The following GULP1 variants were observed in gnomAD, a reference collection of about 807,000 sequenced individuals.
The protein encoded by GULP1 is GULP PTB domain containing engulfment adaptor 1.
GULP1 carries 19 observed loss-of-function variants against 40.9 expected under a neutral mutation model. The ratio of observed to expected loss-of-function variants is 0.46; its 90% confidence interval spans 0.32 to 0.68. GULP1 has a LOEUF of 0.68. GULP1 is among the 30% of genes least tolerant of loss of function. The probability of loss-of-function intolerance (pLI) is 0.03; values close to 1 mark genes in which losing one functional copy is unlikely to be tolerated. For missense variants in GULP1, 312 were observed against 362.2 expected (o/e 0.86, Z 1.12); for synonymous variants, 119 against 117.6 (o/e 1.01, Z -0.08).
intron 1 of GULP1, among the ~76,000 whole-genome samples, chr2:188,296,690 AT>A (rs2035025058): frequency 6.6e-6 from 1 of 152,094 alleles, no homozygotes; most frequent in Non-Finnish European, 1.5e-5. Context: ...AAAGATTAAT[AT>A]GGCTTTTTAA....
At chr2:188,540,399 G>A (rs1690149778) in intron 6 of GULP1, among the ~76,000 whole-genome samples, 1 of 149,522 alleles carries the variant, frequency 6.7e-6, no homozygotes, top group African/African-American at 2.4e-5. Context: ...TTTTAATGAT[G>A]TATATACCTT....
chr2:188,413,428 C>T (rs1176186410), intron 2 of GULP1, among the ~76,000 whole-genome samples: 1 of 152,200 alleles, frequency 6.6e-6, no homozygotes, highest in African/African-American at 2.4e-5. Context: ...TTGCATTTCT[C>T]TGCTGACCAG....
intron 1 of GULP1, among the ~76,000 whole-genome samples, chr2:188,352,097 C>T (rs1011169401): frequency 6.6e-6 from 1 of 152,072 alleles, no homozygotes; most frequent in African/African-American, 2.4e-5. Context: ...TAAATTGCAT[C>T]GTCACCTGTA....
At chr2:188,502,090 T>C (rs2063487020) in intron 4 of GULP1, among the ~76,000 whole-genome samples, 1 of 151,950 alleles carries the variant, frequency 6.6e-6, no homozygotes, top group Admixed American at 6.6e-5. Context: ...ATAGTCATGC[T>C]TTATTAGAAT....
chr2:188,527,374 T>C (rs895732239), intron 5 of GULP1, among the ~76,000 whole-genome samples: 2 of 152,160 alleles, frequency 1.3e-5, no homozygotes, highest in Non-Finnish European at 2.9e-5. Context: ...AGAGTTGCTT[T>C]ATCCAGACGC....
intron 4 of GULP1, among the ~76,000 whole-genome samples, chr2:188,489,405 A>G (rs1400806656): frequency 6.6e-6 from 1 of 152,074 alleles, no homozygotes; most frequent in Non-Finnish European, 1.5e-5. Flanking sequence ...CAGATAATCC[A>G]TATCATTTAT....
intron 2 of GULP1, among the ~76,000 whole-genome samples, chr2:188,467,723 T>G (rs184521028): frequency 6.6e-6 from 1 of 152,154 alleles, no homozygotes; most frequent in Admixed American, 6.6e-5. Context: ...TATCTTTCCC[T>G]TTGTTTTTAG....
At chr2:188,341,694 G>A (rs2042988472) in intron 1 of GULP1, among the ~76,000 whole-genome samples, 1 of 152,102 alleles carries the variant, frequency 6.6e-6, no homozygotes, top group East Asian at 1.9e-4. Context: ...AGAGCTTACT[G>A]TGTGCCAAGA....
intron 7 of GULP1, among the ~76,000 whole-genome samples, chr2:188,551,642 A>T (rs1172780511): frequency 6.6e-6 from 1 of 151,852 alleles, no homozygotes; most frequent in Admixed American, 6.6e-5. Flanking sequence ...ATCTCAGTGC[A>T]GGAATCCCTT....
chr2:188,478,680 TGA>T (rs1178223671), intron 3 of GULP1, among the ~76,000 whole-genome samples: 2 of 152,116 alleles, frequency 1.3e-5, no homozygotes, highest in Non-Finnish European at 2.9e-5. Flanking sequence ...ACTTTTATCA[TGA>T]TTCAAATATT....
At chr2:188,513,253 T>C (rs979949481) in intron 4 of GULP1, among the ~76,000 whole-genome samples, 1 of 152,152 alleles carries the variant, frequency 6.6e-6, no homozygotes, top group African/African-American at 2.4e-5. Context: ...AGACTAATAA[T>C]ACACAAAACA....
intron 1 of GULP1, among the ~76,000 whole-genome samples, chr2:188,324,439 A>G (rs1323455928): frequency 6.6e-6 from 1 of 152,102 alleles, no homozygotes; most frequent in African/African-American, 2.4e-5. Context: ...TATTCAGAAG[A>G]GCCTTCTTTT....
At chr2:188,326,652 G>T (rs2151992346) in intron 1 of GULP1, among the ~76,000 whole-genome samples, 1 of 152,156 alleles carries the variant, frequency 6.6e-6, no homozygotes, top group South Asian at 2.1e-4. Context: ...TAAATTCATT[G>T]AACACTTGAT....
At chr2:188,454,159 A>G (rs910111476) in intron 2 of GULP1, among the ~76,000 whole-genome samples, 3 of 152,172 alleles carry the variant, frequency 2.0e-5, no homozygotes, top group African/African-American at 7.2e-5. Flanking sequence ...CCTATGTCCA[A>G]GAAGACTAAG....
Position 188,431,164 on chromosome 2 carries a change from G to A in GULP1, c.-44-46495G>A, listed in dbSNP as rs149419319. Among the ~76,000 whole-genome samples, 47 of 152,154 alleles carry A rather than the reference G, an allele frequency of 3.1e-4. No individual in the cohort carries two copies. In the East Asian group the frequency reaches 8.3e-3, roughly 27 times the overall value. ...TTCAGCAAACCTTCAGAGGGCCTCT[G>A]GCTGCTAAACATATTAAGAAAAGCC... On this transcript the variant is annotated intron_variant, in intron 2 of 11. Transcript: ENST00000409830.
intron 4 of GULP1, among the ~76,000 whole-genome samples, chr2:188,495,195 T>G (rs1270381972): frequency 6.6e-6 from 1 of 152,048 alleles, no homozygotes; most frequent in East Asian, 1.9e-4. Flanking sequence ...ATTTGGTCAA[T>G]TAATGGGTCC....
rs1701922053 is a variant in GULP1, at chr2:188,584,274, A to G, written c.619A>G (p.Met207Val). The part of the protein sequence containing the change: ...TQVSAPPAGS[M>V]TPKSPSTDIF... The stretch of plus-strand genomic sequence containing the variant: ...TTTATTTTCATTGCAGGCAGGCAGT[A>G]TGACACCTAAGTCGCCCTCCACTGA... The change falls in exon 10 of 12, where the codon ATG (methionine) becomes GTG (valine). Residue 207 changes from methionine to valine, a missense_variant. Transcript: ENST00000409830. The G allele has an allele frequency of 3.7e-6, 6 of 1,606,292 alleles. No individual in the cohort carries two copies. The highest frequency in any genetic ancestry group is 2.2e-5 in the East Asian group (1 of 44,768).
intron 9 of GULP1, among the ~76,000 whole-genome samples, chr2:188,573,531 A>G (rs568688378): frequency 2.2e-4 from 34 of 152,326 alleles, no homozygotes; most frequent in African/African-American, 7.7e-4. Flanking sequence ...AAATTTGAAC[A>G]TCAGTTTTAC....
At chr2:188,438,001 T>G (rs73040459) in intron 2 of GULP1, among the ~76,000 whole-genome samples, 2,095 of 152,048 alleles carry the variant, frequency 0.014, 39 homozygotes, top group African/African-American at 0.047. Context: ...GATGAAATAA[T>G]CTGTAAAACA....
Sources: gnomAD v4.1 joint callset for allele counts (sites outside exome capture counted in the v4.1 genomes callset) on GRCh38, gnomAD v4.1.1 for gene constraint, MANE v1.5 for transcripts, NCBI Gene and HGNC (gene_info 2026-07-23, HGNC 2026-07-21) for gene names.